KCNJ12: variants seen among roughly 807,000 people sequenced by gnomAD.
KCNJ12 encodes potassium inwardly rectifying channel subfamily J member 12.
KCNJ12 carries 2 observed loss-of-function variants against 22.3 expected under a neutral mutation model. The ratio of observed to expected loss-of-function variants is 0.09; its 90% CI spans 0.04 to 0.28. The LOEUF is 0.28. Among genes scored for constraint, KCNJ12 ranks in the 10% least tolerant of loss-of-function variants. The pLI is 1.00. For missense variants in KCNJ12, 155 were observed against 633.3 expected, an observed-to-expected ratio of 0.24 and a Z score of 8.11; for synonymous variants, 117 against 261.4, an observed-to-expected ratio of 0.45 and a Z score of 5.33.
chr17:21,412,058 G>C (rs1179190028), intron 2 of KCNJ12, among the ~76,000 whole-genome samples: 1 of 152,306 alleles, frequency 6.6e-6, no homozygotes, highest in Non-Finnish European at 1.5e-5. Context: ...ACACGGCAGA[G>C]CAGGGCTGTG....
intron 1 of KCNJ12, among the ~76,000 whole-genome samples, chr17:21,396,943 A>G (rs1192583385): frequency 6.6e-6 from 1 of 152,176 alleles, no homozygotes; most frequent in Non-Finnish European, 1.5e-5. Context: ...CCCAGGGCAC[A>G]GATTGGAGCA....
intron 1 of KCNJ12, among the ~76,000 whole-genome samples, chr17:21,385,619 G>A (rs547231492): frequency 6.6e-6 from 1 of 152,344 alleles, no homozygotes; most frequent in South Asian, 2.1e-4. Context: ...CCTCCCTGGG[G>A]GTTGTGTAAC....
chr17:21,379,274 G>A (rs1411137725), intron 1 of KCNJ12, among the ~76,000 whole-genome samples: 1 of 152,224 alleles, frequency 6.6e-6, no homozygotes, highest in Non-Finnish European at 1.5e-5. Context: ...CGTGGCACCC[G>A]GAGGCCTTGG....
At chr17:21,403,182 AG>A (rs1905730267) in intron 1 of KCNJ12, among the ~76,000 whole-genome samples, 1 of 152,302 alleles carries the variant, frequency 6.6e-6, no homozygotes, top group Non-Finnish European at 1.5e-5. Flanking sequence ...TTTCATGGTG[AG>A]GGGCGAGCTC....
At chr17:21,401,813 C>A (rs536059607) in intron 1 of KCNJ12, among the ~76,000 whole-genome samples, 1 of 152,308 alleles carries the variant, frequency 6.6e-6, no homozygotes, top group South Asian at 2.1e-4. Context: ...GCAGTCAGAC[C>A]CAGGTTCTAC....
chr17:21,379,819 T>C (rs1213371560), intron 1 of KCNJ12, among the ~76,000 whole-genome samples: 1 of 149,316 alleles, frequency 6.7e-6, no homozygotes. Context: ...CAGAGGCAGG[T>C]GGGTTTTCTG....
chr17:21,393,833 C>A (rs1905267697), intron 1 of KCNJ12, among the ~76,000 whole-genome samples: 1 of 152,268 alleles, frequency 6.6e-6, no homozygotes, highest in Non-Finnish European at 1.5e-5. Context: ...AGGGCAAACA[C>A]CTGGCCAGTG....
Position 21,376,643 on chromosome 17 carries a change from G to C in KCNJ12, c.-449G>C, listed in dbSNP as rs1330134135. 1.8e-4 allele frequency: 27 copies of C among 151,798 alleles called. No individual in the cohort carries two copies. Among genetic ancestry groups the C allele is most frequent in the Middle Eastern group, 3.4e-3 (1 of 292 alleles). 9.4% of individuals were successfully genotyped at this position (151,798 alleles called of 1,614,324 possible). On this transcript the variant is annotated 5_prime_UTR_variant, in exon 1 of 3. Transcript: ENST00000583088. The surrounding 1 kb of genome is among the most constrained non-coding windows in gnomAD (Gnocchi z 5.3). ...GGTGGGCCGGCCGTGCTCACAGCCG[G>C]ACCGAGGGACCGACGCCAGCCGCCC...
At chr17:21,406,540 G>C (rs1181782447) in intron 1 of KCNJ12, among the ~76,000 whole-genome samples, 16 of 152,280 alleles carry the variant, frequency 1.1e-4, no homozygotes, top group Non-Finnish European at 1.5e-4. Flanking sequence ...AAGGGGCTGG[G>C]GATTGGGGGA....
chr17:21,407,303 T>C (rs1360116648), intron 1 of KCNJ12, among the ~76,000 whole-genome samples: 1 of 152,032 alleles, frequency 6.6e-6, no homozygotes, highest in Non-Finnish European at 1.5e-5. Flanking sequence ...CACCTGTCCA[T>C]CTATCCACCC....
chr17:21,401,050 A>G (rs1279597175), intron 1 of KCNJ12, among the ~76,000 whole-genome samples: 1 of 152,072 alleles, frequency 6.6e-6, no homozygotes, highest in Non-Finnish European at 1.5e-5. Context: ...TTTTTCCCCC[A>G]TCAAGTTCAC....
At chr17:21,392,290 C>T (rs143918459) in intron 1 of KCNJ12, among the ~76,000 whole-genome samples, 1,965 of 152,314 alleles carry the variant, frequency 0.013, 21 homozygotes, top group Middle Eastern at 0.027. Context: ...ACATAGTAGG[C>T]GCTCAGTGTG....
At chr17:21,404,351 A>G (rs1905807634) in intron 1 of KCNJ12, among the ~76,000 whole-genome samples, 1 of 152,260 alleles carries the variant, frequency 6.6e-6, no homozygotes, top group African/African-American at 2.4e-5. Flanking sequence ...ACTGGCAGAT[A>G]CTCCTCTAGG....
intron 2 of KCNJ12, among the ~76,000 whole-genome samples, chr17:21,412,396 G>T (rs1906411419): frequency 6.6e-6 from 1 of 152,308 alleles, no homozygotes; most frequent in East Asian, 1.9e-4. Flanking sequence ...TGCAGACCGG[G>T]CTCTCTGGCC....
At chr17:21,392,119 C>T (rs1313287598) in intron 1 of KCNJ12, among the ~76,000 whole-genome samples, 1 of 152,172 alleles carries the variant, frequency 6.6e-6, no homozygotes, top group Non-Finnish European at 1.5e-5. Context: ...GCAGTGACTT[C>T]GAGGGAGGTG....
rs1555562487 is a variant in KCNJ12 at position 21,415,612 on chromosome 17, C to G, written c.270C>G (p.Ala90=). 5.0e-6 allele frequency: 8 copies of G among 1,614,056 alleles called. No homozygotes were observed. The highest frequency in any genetic ancestry group is 6.8e-6 in the Non-Finnish European group (8 of 1,180,014). Reference sequence around the variant, plus strand: ...ACATGCTGCTCATCTTCTCGCTGGCCTTCCTTGCCTCCTGGCTGCTGTTCG... The same window carrying G: ...ACATGCTGCTCATCTTCTCGCTGGCGTTCCTTGCCTCCTGGCTGCTGTTCG... The part of the protein sequence containing the change: ...WRYMLLIFSL[A]FLASWLLFGI... The change falls in exon 3 of 3, where the codon GCC becomes GCG. Residue 90 remains alanine (A), a synonymous_variant. Coordinates refer to ENST00000583088, the MANE Select transcript of KCNJ12 (RefSeq NM_021012.5).
intron 1 of KCNJ12, among the ~76,000 whole-genome samples, chr17:21,403,650 G>A (rs74926177): frequency 1.3e-4 from 20 of 152,262 alleles, no homozygotes; most frequent in Non-Finnish European, 2.6e-4. Flanking sequence ...TCCAGCTGAG[G>A]CCCTAAAGGG....
chr17:21,402,394 G>C (rs542491374), intron 1 of KCNJ12, among the ~76,000 whole-genome samples: 3 of 152,414 alleles, frequency 2.0e-5, no homozygotes, highest in African/African-American at 2.4e-5. Context: ...TGGGCCCCCA[G>C]GCATGATGTC....
At chr17:21,398,652 C>T (rs782648510) in intron 1 of KCNJ12, among the ~76,000 whole-genome samples, 10 of 152,216 alleles carry the variant, frequency 6.6e-5, no homozygotes, top group Non-Finnish European at 1.2e-4. Flanking sequence ...TGGTGCTTCC[C>T]GCTGTCACCT....
Sources: gnomAD v4.1 joint callset for allele counts (sites outside exome capture counted in the v4.1 genomes callset) on GRCh38, gnomAD v4.1.1 for gene constraint, Gnocchi (gnomAD v3.1) non-coding constraint, MANE v1.5 for transcripts, NCBI Gene and HGNC (gene_info 2026-07-23, HGNC 2026-07-21) for gene names.